Variants in PCSK2 observed in about 807,000 individuals in gnomAD.
PCSK2 encodes the protein neuroendocrine convertase 2.
A neutral mutation model predicts 69.7 loss-of-function variants in PCSK2; 14 were observed. The observed-to-expected ratio is 0.20, with a 90% CI of 0.13 to 0.31. PCSK2 has a LOEUF of 0.31. Among genes scored for constraint, PCSK2 ranks in the 10% least tolerant of loss-of-function variants. The probability of loss-of-function intolerance (pLI) is 1.00; values close to 1 mark genes in which losing one functional copy is unlikely to be tolerated. For synonymous variants in PCSK2, 307 were observed against 320.7 expected (o/e 0.96, Z 0.46); for missense variants, 544 against 842.5 (o/e 0.65, Z 4.39).
chr20:17,249,053 G>A (rs1472680286), intron 1 of PCSK2, among the ~76,000 whole-genome samples: 3 of 152,180 alleles, frequency 2.0e-5, no homozygotes, highest in African/African-American at 4.8e-5. Context: ...TAACACAACC[G>A]TGGAAAGGGA....
chr20:17,291,567 A>G (rs1284858916), intron 2 of PCSK2, among the ~76,000 whole-genome samples: 2 of 152,212 alleles, frequency 1.3e-5, no homozygotes, highest in African/African-American at 4.8e-5. Context: ...CAGAAATAGA[A>G]TGGTTACAGC....
intron 2 of PCSK2, among the ~76,000 whole-genome samples, chr20:17,287,431 CTGTG>C (rs67695913): frequency 0.2 from 29,802 of 145,856 alleles, 3,359 homozygotes; most frequent in Middle Eastern, 0.3. Flanking sequence ...ATGTGCGTGT[CTGTG>C]TGTGTGTGTG....
intron 2 of PCSK2, among the ~76,000 whole-genome samples, chr20:17,335,200 G>A (rs1363330000): frequency 9.1e-6 from 1 of 110,154 alleles, no homozygotes. Context: ...GATTGGGGGG[G>A]TTGTCTGAAG....
chr20:17,449,526 G>GTATGTATGTA (rs1555796489), intron 8 of PCSK2, among the ~76,000 whole-genome samples: 3 of 130,690 alleles, frequency 2.3e-5, no homozygotes, highest in African/African-American at 8.9e-5. Flanking sequence ...ATGTATGTAT[G>GTATGTATGTA]TATATATATA....
chr20:17,228,855 C>T (rs1046070530), intron 1 of PCSK2, among the ~76,000 whole-genome samples: 3 of 152,124 alleles, frequency 2.0e-5, no homozygotes, highest in Admixed American at 6.5e-5. Flanking sequence ...CTGGGTCCGC[C>T]GGTGGCGCGC....
intron 2 of PCSK2, among the ~76,000 whole-genome samples, chr20:17,351,071 G>T (rs114140808): frequency 0.013 from 1,898 of 150,386 alleles, 14 homozygotes; most frequent in East Asian, 0.035. Context: ...TGTAGTAAAA[G>T]TACCTTGTTA....
intron 2 of PCSK2, among the ~76,000 whole-genome samples, chr20:17,299,829 G>A (rs975628481): frequency 6.7e-6 from 1 of 150,354 alleles, no homozygotes; most frequent in Non-Finnish European, 1.5e-5. Context: ...TTCATTTTGG[G>A]GACTCTCAGG....
chr20:17,396,302 T>C (rs2031510210), intron 5 of PCSK2, among the ~76,000 whole-genome samples: 1 of 152,156 alleles, frequency 6.6e-6, no homozygotes, highest in African/African-American at 2.4e-5. Context: ...CCAGCTACAC[T>C]GGGCCCCTTC....
chr20:17,335,462 T>TGTGTG (rs1555789125), intron 2 of PCSK2, among the ~76,000 whole-genome samples: 1 of 151,124 alleles, frequency 6.6e-6, no homozygotes, highest in Non-Finnish European at 1.5e-5. Flanking sequence ...TGTGTGTGTG[T>TGTGTG]TCCTTGTCTA....
intron 2 of PCSK2, among the ~76,000 whole-genome samples, chr20:17,354,569 C>A (rs1431459516): frequency 6.6e-6 from 1 of 152,172 alleles, no homozygotes; most frequent in East Asian, 1.9e-4. Flanking sequence ...AGTTTATAAC[C>A]CAATCTGTCC....
chr20:17,442,030 A>G (rs190008395), intron 8 of PCSK2, among the ~76,000 whole-genome samples: 2,361 of 151,438 alleles, frequency 0.016, 66 homozygotes, highest in African/African-American at 0.054. Context: ...AAAAAAAAAA[A>G]AAGAACAGGA....
At chr20:17,314,665 T>C (rs1989623677) in intron 2 of PCSK2, among the ~76,000 whole-genome samples, 1 of 152,206 alleles carries the variant, frequency 6.6e-6, no homozygotes, top group Non-Finnish European at 1.5e-5. Flanking sequence ...AGGACACCAG[T>C]TGTTACTTTT....
Position 17,240,259 on chromosome 20 carries a change from A to G in PCSK2, c.177+12777A>G, listed in dbSNP as rs77175004. 4.3e-3 allele frequency among the ~76,000 whole-genome samples: 648 copies of G among 152,190 alleles called. 8 individuals carry two copies. Among genetic ancestry groups the G allele is most frequent in the Middle Eastern group, 0.017 (5 of 292 alleles). The stretch of plus-strand genomic sequence containing the variant: ...AGTCAGTGTGGGAGGAGACTAACCA[A>G]GGGAATGGATACAGGGAGATATGAA... On this transcript the variant is annotated intron_variant, in intron 1 of 11. Coordinates refer to ENST00000262545, the MANE Select transcript of PCSK2 (RefSeq NM_002594.5).
intron 7 of PCSK2, among the ~76,000 whole-genome samples, chr20:17,433,632 C>G (rs1160058241): frequency 3.9e-5 from 6 of 152,166 alleles, no homozygotes; most frequent in Non-Finnish European, 7.4e-5. Flanking sequence ...TGGAAGAGAC[C>G]CACAGAGTCA....
At chr20:17,367,968 G>C (rs1160507049) in intron 4 of PCSK2, among the ~76,000 whole-genome samples, 2 of 152,130 alleles carry the variant, frequency 1.3e-5, no homozygotes, top group Non-Finnish European at 2.9e-5. Context: ...ATAGAAAGCA[G>C]CCATAGTGAC....
chr20:17,468,404 G>A (rs1459235325), intron 11 of PCSK2, among the ~76,000 whole-genome samples: 3 of 126,794 alleles, frequency 2.4e-5, no homozygotes, highest in East Asian at 2.6e-4. Flanking sequence ...ACGGGCCAGC[G>A]TCCTGTTGTA....
chr20:17,306,924 A>G (rs1204696369), intron 2 of PCSK2, among the ~76,000 whole-genome samples: 1 of 152,192 alleles, frequency 6.6e-6, no homozygotes, highest in Non-Finnish European at 1.5e-5. Flanking sequence ...AATGTCATGC[A>G]TCTCTCATTT....
chr20:17,359,410 T>G (rs1177964572), intron 3 of PCSK2, among the ~76,000 whole-genome samples: 1 of 152,202 alleles, frequency 6.6e-6, no homozygotes, highest in Non-Finnish European at 1.5e-5. Context: ...CAAGGCTTGT[T>G]TCTCACTTTT....
At position 17,307,686 on chromosome 20, in the gene PCSK2, C is replaced by T. The variant is rs185486272; in HGVS notation, c.282+47342C>T. 4.7e-4 allele frequency among the ~76,000 whole-genome samples: 71 copies of T among 152,290 alleles called. No individual in the cohort carries two copies. In the East Asian group the frequency reaches 7.0e-3, roughly 15 times the overall value. On this transcript the variant is annotated intron_variant, in intron 2 of 11. Coordinates refer to ENST00000262545, the MANE Select transcript of PCSK2 (RefSeq NM_002594.5). Reference sequence around the variant, plus strand: ...AGTGTTCTAGGCTCTGGGGATACAACATACTCCCTGATTTCATAGAGTTTA... The same window carrying T: ...AGTGTTCTAGGCTCTGGGGATACAATATACTCCCTGATTTCATAGAGTTTA...
Sources: allele counts gnomAD v4.1 joint callset (sites outside exome capture counted in the v4.1 genomes callset), GRCh38; gene constraint gnomAD v4.1.1; transcripts MANE v1.5; gene names NCBI Gene and HGNC (gene_info 2026-07-23, HGNC 2026-07-21).